The following CSMD1 variants were observed in gnomAD, a reference collection of about 807,000 sequenced individuals.
CSMD1 encodes the protein CUB and sushi domain-containing protein 1.
In CSMD1, 213 loss-of-function variants were observed where a neutral mutation model predicts 417.5. The ratio of observed to expected loss-of-function variants is 0.51; its 90% CI spans 0.46 to 0.57. CSMD1 has a LOEUF of 0.57. Ranked by LOEUF, CSMD1 falls within the 20% of genes least tolerant of loss-of-function variation. The pLI is 0.00. For missense variants in CSMD1, 6,923 were observed against 4,529.7 expected (o/e 1.53, Z -15.17); for synonymous variants, 2,862 against 1,736.8 (o/e 1.65, Z -16.11).
chr8:2,954,193 T>C (rs998112811), intron 65 of CSMD1, 31 bp downstream of exon 65: 31 of 1,337,744 alleles, frequency 2.3e-5, no homozygotes, highest in Middle Eastern at 1.8e-4. Context: ...CTTTATTGGA[T>C]TGAAATCTAG....
At chr8:4,769,050 T>C (rs540896775) in intron 1 of CSMD1, among the ~76,000 whole-genome samples, 11 of 152,278 alleles carry the variant, frequency 7.2e-5, no homozygotes, top group African/African-American at 2.6e-4. Context: ...GGGAATATCA[T>C]TTAGAATGTG....
intron 3 of CSMD1, among the ~76,000 whole-genome samples, chr8:4,197,624 A>C (rs1799415104): frequency 6.6e-6 from 1 of 152,192 alleles, no homozygotes; most frequent in Non-Finnish European, 1.5e-5. Flanking sequence ...CATGCCTGAA[A>C]TCCCAGCATT....
chr8:4,044,137 T>C (rs1263696785), intron 3 of CSMD1, among the ~76,000 whole-genome samples: 1 of 152,220 alleles, frequency 6.6e-6, no homozygotes, highest in Non-Finnish European at 1.5e-5. Flanking sequence ...TGTTCTCATC[T>C]TAACAGTAAG....
intron 38 of CSMD1, among the ~76,000 whole-genome samples, chr8:3,158,892 C>T (rs140872002): frequency 1.9e-4 from 29 of 152,200 alleles, no homozygotes; most frequent in African/African-American, 5.1e-4. Flanking sequence ...ACACTGGGAA[C>T]GCATCAAACA....
At chr8:3,443,477 T>C (rs553602632) in intron 12 of CSMD1, among the ~76,000 whole-genome samples, 53 of 152,306 alleles carry the variant, frequency 3.5e-4, no homozygotes, top group African/African-American at 9.9e-4. Context: ...TATCTATATA[T>C]AGAGATATCT....
intron 23 of CSMD1, among the ~76,000 whole-genome samples, chr8:3,342,292 G>A (rs1307348368): frequency 6.6e-6 from 1 of 152,128 alleles, no homozygotes; most frequent in Non-Finnish European, 1.5e-5. Context: ...CTCTGGGTCT[G>A]TGGGATGATT....
intron 23 of CSMD1, among the ~76,000 whole-genome samples, chr8:3,337,353 C>T (rs763808106): frequency 6.6e-6 from 1 of 152,154 alleles, no homozygotes; most frequent in Non-Finnish European, 1.5e-5. Context: ...TATGAAGCAT[C>T]CCTTAGAAGC....
chr8:3,891,049 G>A (rs988936412), intron 5 of CSMD1, among the ~76,000 whole-genome samples: 1 of 147,770 alleles, frequency 6.8e-6, no homozygotes, highest in African/African-American at 2.5e-5. Flanking sequence ...TTTTTTTTTT[G>A]TTTTATTTTA....
At chr8:3,426,336 G>A (rs376579802) in intron 12 of CSMD1, among the ~76,000 whole-genome samples, 17 of 152,206 alleles carry the variant, frequency 1.1e-4, no homozygotes, top group South Asian at 4.2e-4. Context: ...CGTAGGTTAC[G>A]TATCAGACAG....
At chr8:3,351,880 C>G (rs1470543890) in intron 21 of CSMD1, among the ~76,000 whole-genome samples, 1 of 151,792 alleles carries the variant, frequency 6.6e-6, no homozygotes, top group Admixed American at 6.6e-5. Flanking sequence ...CATAGAATCA[C>G]ATTTTTAAAA....
chr8:4,086,539 G>A (rs535417434), intron 3 of CSMD1, among the ~76,000 whole-genome samples: 1 of 152,120 alleles, frequency 6.6e-6, no homozygotes, highest in African/African-American at 2.4e-5. Context: ...AATTTGTCAA[G>A]CTCTTAAAAT....
chr8:3,757,155 CCTCT>C (rs1248128573), intron 5 of CSMD1, among the ~76,000 whole-genome samples: 1 of 152,050 alleles, frequency 6.6e-6, no homozygotes, highest in East Asian at 1.9e-4. Context: ...AAATAAATCC[CCTCT>C]CTACCACCAC....
chr8:3,027,406 C>G (rs1209973814), intron 51 of CSMD1, among the ~76,000 whole-genome samples: 1 of 152,078 alleles, frequency 6.6e-6, no homozygotes, highest in Non-Finnish European at 1.5e-5. Flanking sequence ...AAAACAAGGA[C>G]CATTTCAGAG....
intron 2 of CSMD1, among the ~76,000 whole-genome samples, chr8:4,469,612 C>G (rs896791906): frequency 3.9e-5 from 6 of 152,102 alleles, no homozygotes; most frequent in African/African-American, 1.4e-4. Context: ...TCTGTGTATT[C>G]CTGACATCCC....
chr8:4,835,453 T>C (rs1800422474), intron 1 of CSMD1, among the ~76,000 whole-genome samples: 1 of 152,152 alleles, frequency 6.6e-6, no homozygotes, highest in South Asian at 2.1e-4. Flanking sequence ...ATTTTGGAAC[T>C]AAAGGGAGAG....
intron 3 of CSMD1, among the ~76,000 whole-genome samples, chr8:4,361,473 T>C (rs1168031984): frequency 6.6e-6 from 1 of 152,108 alleles, no homozygotes; most frequent in Non-Finnish European, 1.5e-5. Flanking sequence ...AAGGTCGACA[T>C]TATTGCATTT....
chr8:3,578,523 G>A (rs1040250075), intron 9 of CSMD1, among the ~76,000 whole-genome samples: 2 of 152,182 alleles, frequency 1.3e-5, no homozygotes, highest in African/African-American at 2.4e-5. Flanking sequence ...GTGTTGCTTT[G>A]TCGCCTATTG....
intron 7 of CSMD1, among the ~76,000 whole-genome samples, chr8:3,630,488 G>T (rs1003311924): frequency 6.6e-6 from 1 of 152,164 alleles, no homozygotes; most frequent in Non-Finnish European, 1.5e-5. Context: ...ATGCTTAGAT[G>T]AGAAGGTCCA....
At chr8:4,226,522 C>A (rs975584382) in intron 3 of CSMD1, among the ~76,000 whole-genome samples, 1 of 152,034 alleles carries the variant, frequency 6.6e-6, no homozygotes, top group Non-Finnish European at 1.5e-5. Context: ...TGAGTCAAAA[C>A]AATTAGCCTT....
Sources: gnomAD v4.1 joint callset for allele counts (sites outside exome capture counted in the v4.1 genomes callset) on GRCh38, gnomAD v4.1.1 for gene constraint, MANE v1.5 for transcripts, NCBI Gene and HGNC (gene_info 2026-07-23, HGNC 2026-07-21) for gene names.